Variants in LINGO2 observed in about 807,000 individuals in gnomAD.
The protein encoded by LINGO2 is leucine-rich repeat and immunoglobulin-like domain-containing nogo receptor-interacting protein 2.
A neutral mutation model predicts 30.6 loss-of-function variants in LINGO2; 14 were observed. That is an observed-to-expected ratio of 0.46 (90% CI 0.30 to 0.72). The LOEUF (loss-of-function observed/expected upper bound fraction) is 0.72. Ranked by LOEUF, LINGO2 falls within the 30% of genes least tolerant of loss-of-function variation. The pLI is 0.07. For missense variants in LINGO2, 729 were observed against 751.7 expected, an observed-to-expected ratio of 0.97 and a Z score of 0.35; for synonymous variants, 317 against 288.5, an observed-to-expected ratio of 1.10 and a Z score of -1.00.
intron 4 of LINGO2, among the ~76,000 whole-genome samples, chr9:28,187,675 A>G (rs1442889556): frequency 1.3e-5 from 2 of 152,190 alleles, no homozygotes; most frequent in East Asian, 3.9e-4. Flanking sequence ...TGTGAGTTCA[A>G]GATAAGGGGG....
At chr9:28,365,033 A>G (rs1192133747) in intron 3 of LINGO2, among the ~76,000 whole-genome samples, 1 of 152,210 alleles carries the variant, frequency 6.6e-6, no homozygotes, top group African/African-American at 2.4e-5. Flanking sequence ...AAATTAAAAT[A>G]CATCATGTTA....
chr9:28,466,510 TTAA>T lies in LINGO2; in HGVS notation c.-279+9427_-279+9429del, dbSNP rs146445732. Among the ~76,000 whole-genome samples, 14 of 152,126 alleles carry T rather than the reference TTAA, an allele frequency of 9.2e-5. No individual in the cohort carries two copies. In the East Asian group the frequency reaches 1.9e-3, roughly 21 times the overall value. On this transcript the variant is annotated intron_variant, in intron 2 of 5. Coordinates refer to ENST00000379992, the Ensembl canonical transcript of LINGO2. ...TGATAAATGGGTACAAATAATAGAG[TTAA>T]TAAGATATAGTATTTGATAGCACAT...
At chr9:28,670,178 T>C (rs1482984092) in intron 1 of LINGO2, 22 bp downstream of exon 3, 1 of 152,098 alleles carries the variant, frequency 6.6e-6, no homozygotes, top group Non-Finnish European at 1.5e-5. Flanking sequence ...GAAAATACAA[T>C]TGAAATAAAT....
chr9:28,609,623 A>G (rs1006162320), intron 1 of LINGO2, among the ~76,000 whole-genome samples: 1 of 152,108 alleles, frequency 6.6e-6, no homozygotes, highest in Admixed American at 6.5e-5. Context: ...ATAATGTCTT[A>G]CTTCATTTTG....
chr9:27,980,747 AT>A lies in LINGO2; in HGVS notation c.-35-30042del, dbSNP rs1820815005. Among the ~76,000 whole-genome samples the A allele has an allele frequency of 3.3e-5, 5 of 151,926 alleles. No individual in the cohort carries two copies. The South Asian group carries it at 1.0e-3, about 32-fold the overall frequency. Reference sequence around the variant, plus strand: ...TAAGTGAGAGGTTGGCCTATCTGGGATGGGTGAGGATATTCCCTTAGCCCTT... The same window carrying A: ...TAAGTGAGAGGTTGGCCTATCTGGGAGGGTGAGGATATTCCCTTAGCCCTT... On this transcript the variant is annotated intron_variant, in intron 5 of 5. Transcript: ENST00000379992.
the LINGO2 span, among the ~76,000 whole-genome samples, chr9:28,803,504 T>C: frequency 6.6e-6 from 1 of 151,778 alleles, no homozygotes; most frequent in Non-Finnish European, 1.5e-5. Context: ...AAATATGATA[T>C]AAATTTTTAA....
the LINGO2 span, among the ~76,000 whole-genome samples, chr9:28,918,606 C>G: frequency 6.6e-6 from 1 of 152,138 alleles, no homozygotes; most frequent in East Asian, 1.9e-4. Flanking sequence ...GAGCCTACGT[C>G]TCTAATGACA....
intron 4 of LINGO2, among the ~76,000 whole-genome samples, chr9:28,118,080 G>A (rs954047815): frequency 6.6e-6 from 1 of 152,050 alleles, no homozygotes; most frequent in Non-Finnish European, 1.5e-5. Context: ...GGGGCCTGTT[G>A]GGGGGTGGAG....
At chr9:28,994,510 A>T in the LINGO2 span, among the ~76,000 whole-genome samples, 6 of 151,368 alleles carry the variant, frequency 4.0e-5, no homozygotes, top group Admixed American at 3.9e-4. Flanking sequence ...CAGAATTGGA[A>T]AAAACTACTT....
the LINGO2 span, among the ~76,000 whole-genome samples, chr9:29,183,501 G>C: frequency 1.3e-5 from 2 of 152,120 alleles, no homozygotes; most frequent in Non-Finnish European, 2.9e-5. Flanking sequence ...GCCAGAAGCA[G>C]ATCTGAGGTT....
the LINGO2 span, among the ~76,000 whole-genome samples, chr9:29,108,434 A>T: frequency 0.017 from 2,615 of 152,252 alleles, 81 homozygotes; most frequent in African/African-American, 0.06. Flanking sequence ...AGCCTAAAGG[A>T]AATACAGCAA....
chr9:29,169,803 AT>A, the LINGO2 span, among the ~76,000 whole-genome samples: 4 of 152,178 alleles, frequency 2.6e-5, no homozygotes, highest in Non-Finnish European at 5.9e-5. Flanking sequence ...GATGGAGACC[AT>A]CCTGGCCAAC....
intron 4 of LINGO2, among the ~76,000 whole-genome samples, chr9:28,196,816 A>G (rs1377712337): frequency 6.6e-6 from 1 of 151,998 alleles, no homozygotes; most frequent in African/African-American, 2.4e-5. Context: ...TACAAATATC[A>G]CATGTTCTCA....
chr9:28,037,082 T>G (rs895954494), intron 4 of LINGO2, among the ~76,000 whole-genome samples: 1 of 152,182 alleles, frequency 6.6e-6, no homozygotes, highest in East Asian at 1.9e-4. Context: ...GAATTCCTAT[T>G]TCTAAGGATC....
intron 4 of LINGO2, among the ~76,000 whole-genome samples, chr9:28,042,725 A>G (rs1283437527): frequency 6.6e-6 from 1 of 152,088 alleles, no homozygotes; most frequent in African/African-American, 2.4e-5. Flanking sequence ...TGCTTCATTC[A>G]TGTTCTGCAA....
At chr9:28,918,787 A>G in the LINGO2 span, among the ~76,000 whole-genome samples, 1 of 152,290 alleles carries the variant, frequency 6.6e-6, no homozygotes, top group Middle Eastern at 3.4e-3. Flanking sequence ...AATTAGAAAA[A>G]CATGAAACAA....
In LINGO2 at chr9:28,553,276, G is replaced by C. The variant is rs148145393; in HGVS notation, c.-364-77251C>G. Among the ~76,000 whole-genome samples, 885 of 152,144 alleles carry C rather than the reference G, an allele frequency of 5.8e-3. 3 individuals carry two copies. The highest frequency in any genetic ancestry group is 0.012 in the Admixed American group (185 of 15,260). ...AAAAATGTAGAAGAATGTGTAACTAGAATAACCAATACAGAGAAGTGCTTA... is the reference window on the plus strand; with the variant it reads ...AAAAATGTAGAAGAATGTGTAACTACAATAACCAATACAGAGAAGTGCTTA... On this transcript the variant is annotated intron_variant, in intron 1 of 5. Transcript: ENST00000379992.
chr9:28,169,964 A>G (rs1828536154), intron 4 of LINGO2, among the ~76,000 whole-genome samples: 1 of 152,116 alleles, frequency 6.6e-6, no homozygotes. Flanking sequence ...CTTTTGACCC[A>G]CCAGCACTCC....
the LINGO2 span, among the ~76,000 whole-genome samples, chr9:29,070,418 G>C: frequency 6.6e-6 from 1 of 152,082 alleles, no homozygotes; most frequent in Non-Finnish European, 1.5e-5. Flanking sequence ...CATTGACCTC[G>C]GGACTTCCCG....
Sources: gnomAD v4.1 joint callset for allele counts (sites outside exome capture counted in the v4.1 genomes callset) on GRCh38, gnomAD v4.1.1 for gene constraint, MANE v1.5 for transcripts, NCBI Gene and HGNC (gene_info 2026-07-23, HGNC 2026-07-21) for gene names.